Variants in SLF1 observed in about 807,000 individuals in gnomAD.
SLF1 encodes SMC5-SMC6 complex localization factor protein 1.
SLF1 carries 105 observed loss-of-function variants against 123.0 expected under a neutral mutation model. That is an observed-to-expected ratio of 0.85 (90% confidence interval 0.73 to 1.00). SLF1 has a LOEUF of 1.00. SLF1 is among the 50% of genes least tolerant of loss of function. The pLI is 0.00. For synonymous variants in SLF1, 434 were observed against 406.6 expected, an observed-to-expected ratio of 1.07 and a Z score of -0.81; for missense variants, 1,239 against 1,223.0, an observed-to-expected ratio of 1.01 and a Z score of -0.20.
At chr5:94,619,297 T>G (rs1791396424) in intron 1 of SLF1, among the ~76,000 whole-genome samples, 1 of 152,082 alleles carries the variant, frequency 6.6e-6, no homozygotes, top group South Asian at 2.1e-4. Context: ...TTTTTTTTTT[T>G]TAAACTGCTA....
At chr5:94,643,906 T>G (rs1273862649) in intron 5 of SLF1, among the ~76,000 whole-genome samples, 1 of 152,102 alleles carries the variant, frequency 6.6e-6, no homozygotes, top group African/African-American at 2.4e-5. Context: ...TTAAGAGCAC[T>G]CAGGGGAGAA....
intron 14 of SLF1, among the ~76,000 whole-genome samples, chr5:94,672,206 A>C (rs1750542782): frequency 6.6e-6 from 1 of 152,120 alleles, no homozygotes; most frequent in African/African-American, 2.4e-5. Context: ...TGATCCTATA[A>C]CTGCTAGTTA....
chr5:94,662,225 A>G, intron 9 of SLF1, 73 bp from the exon 10 acceptor site: 2 of 1,317,598 alleles, frequency 1.5e-6, no homozygotes, highest in Non-Finnish European at 2.1e-6. Flanking sequence ...TGTTTTTCCA[A>G]GGTTTTGGGG....
chr5:94,694,115 C>T (rs1344512933), intron 20 of SLF1, among the ~76,000 whole-genome samples: 1 of 151,852 alleles, frequency 6.6e-6, no homozygotes, highest in African/African-American at 2.4e-5. Flanking sequence ...CTGATGAAGG[C>T]AAAAGTACTC....
chr5:94,694,892 A>G lies in SLF1; in HGVS notation c.2757A>G (p.Ser919=), dbSNP rs1216890756. The part of the protein sequence containing the change: ...KGELPLDYVV[S]PQIKEELFAI... ...AATTGCCCTTGGATTATGTGGTTTCACCTCAAATCAAAGAAGAACTGTTTG... is the reference window on the plus strand; with the variant it reads ...AATTGCCCTTGGATTATGTGGTTTCGCCTCAAATCAAAGAAGAACTGTTTG... The change falls in exon 21 of 21, where the codon TCA becomes TCG. Residue 919 remains serine (S), a synonymous_variant. Transcript: ENST00000265140. 4 of 1,610,036 alleles carry G rather than the reference A, an allele frequency of 2.5e-6. No homozygotes were observed. The highest frequency in any genetic ancestry group is 2.5e-6 in the Non-Finnish European group (3 of 1,178,318).
chr5:94,690,387 C>A (rs1201370835), intron 18 of SLF1, among the ~76,000 whole-genome samples: 1 of 152,080 alleles, frequency 6.6e-6, no homozygotes, highest in Non-Finnish European at 1.5e-5. Context: ...ATTACAGATT[C>A]AAAATAACTG....
intron 12 of SLF1, among the ~76,000 whole-genome samples, chr5:94,667,068 T>C (rs563084158): frequency 1.3e-5 from 2 of 151,082 alleles, no homozygotes; most frequent in East Asian, 4.0e-4. Context: ...CTCTTTGAGA[T>C]CATAAAGATT....
intron 10 of SLF1, 32 bp downstream of exon 10, chr5:94,662,383 G>A: frequency 6.7e-7 from 1 of 1,494,206 alleles, no homozygotes. Flanking sequence ...TGGTGATGGG[G>A]GCAAAGAAGA....
intron 12 of SLF1, 45 bp from the exon 13 acceptor site, chr5:94,670,106 G>C: frequency 6.7e-7 from 1 of 1,489,812 alleles, no homozygotes; most frequent in Non-Finnish European, 8.9e-7. Context: ...AAATGACTTA[G>C]TGAATTGCTT....
chr5:94,653,255 G>T lies in SLF1; in HGVS notation c.883-17G>T. 2.0e-6 allele frequency: 3 copies of T among 1,499,070 alleles called. No individual in the cohort carries two copies. The highest frequency in any genetic ancestry group is 1.4e-5 in the African/African-American group (1 of 69,404). 92.9% of individuals were successfully genotyped at this position (1,499,070 alleles called of 1,614,324 possible). A position where few individuals can be genotyped will look rare whatever the true frequency, so the allele number is the denominator to read the frequency against. On this transcript the variant is annotated splice_polypyrimidine_tract_variant and intron_variant, in intron 7 of 20. Transcript: ENST00000265140. ...GTCATTGATGTTGAGATTTAATTGT[G>T]GTCTAAATACATGTAGAAGGAAATT...
In SLF1 at chr5:94,695,388, AC is replaced by A. The variant is rs1416755958; in HGVS notation, c.*77del. Reference sequence around the variant, plus strand: ...GTACTTACTGTGGACTTCATAGCTTACTGACAGATAGTAATTTGATTTATTT... The same window carrying A: ...GTACTTACTGTGGACTTCATAGCTTATGACAGATAGTAATTTGATTTATTT... On this transcript the variant is annotated 3_prime_UTR_variant, in exon 21 of 21. Coordinates refer to ENST00000265140, the MANE Select transcript of SLF1 (RefSeq NM_032290.4). 2.9e-6 allele frequency: 4 copies of A among 1,397,740 alleles called. No homozygotes were observed. In the African/African-American group the frequency reaches 5.8e-5, roughly 20 times the overall value. 86.6% of individuals were successfully genotyped at this position (1,397,740 alleles called of 1,614,324 possible). A position where few individuals can be genotyped will look rare whatever the true frequency, so the allele number is the denominator to read the frequency against.
chr5:94,631,341 AC>A (rs758837752), intron 4 of SLF1, among the ~76,000 whole-genome samples: 2 of 152,100 alleles, frequency 1.3e-5, no homozygotes, highest in Non-Finnish European at 2.9e-5. Context: ...CACCCATGTT[AC>A]CCTCACTATA....
chr5:94,638,176 T>A (rs1444891270), intron 4 of SLF1, among the ~76,000 whole-genome samples: 1 of 151,828 alleles, frequency 6.6e-6, no homozygotes. Flanking sequence ...TTCTTCTTCT[T>A]ATTTTTTATT....
intron 15 of SLF1, among the ~76,000 whole-genome samples, chr5:94,685,031 C>T (rs915426122): frequency 6.6e-6 from 1 of 152,198 alleles, no homozygotes; most frequent in Admixed American, 6.5e-5. Flanking sequence ...AATGTGGCAA[C>T]CAGAAATTAC....
chr5:94,635,513 C>T (rs1157295653), intron 4 of SLF1, among the ~76,000 whole-genome samples: 1 of 150,846 alleles, frequency 6.6e-6, no homozygotes. Context: ...TTCTTTCTTC[C>T]TATGTTGCTG....
intron 9 of SLF1, among the ~76,000 whole-genome samples, chr5:94,661,254 G>A (rs994481009): frequency 1.3e-5 from 2 of 152,174 alleles, no homozygotes; most frequent in African/African-American, 4.8e-5. Context: ...GGAATTCATG[G>A]TGGGAATGTG....
At chr5:94,663,644 CA>C in intron 10 of SLF1, 105 bp from the exon 11 acceptor site, 1 of 1,051,670 alleles carries the variant, frequency 9.5e-7, no homozygotes, top group Non-Finnish European at 1.3e-6. Flanking sequence ...GACTCCGTCT[CA>C]AATGAATGAA....
chr5:94,631,285 G>A (rs1292665243), intron 4 of SLF1, among the ~76,000 whole-genome samples: 1 of 151,862 alleles, frequency 6.6e-6, no homozygotes, highest in Non-Finnish European at 1.5e-5. Flanking sequence ...TCAATAACAT[G>A]CACACAAATT....
At position 94,624,742 on chromosome 5, in the gene SLF1, C is replaced by T. The variant is rs542504274; in HGVS notation, c.1-4069C>T. Among the ~76,000 whole-genome samples, 13 of 151,718 alleles carry T rather than the reference C, an allele frequency of 8.6e-5. No homozygotes were observed. The East Asian group carries it at 9.6e-4, about 11-fold the overall frequency. On this transcript the variant is annotated intron_variant, in intron 1 of 20. Transcript: ENST00000265140. Reference sequence around the variant, plus strand: ...CGATTATTTAACATTAGTTTTTATACGTCAATTTTTAGAATAGGCAAGATT... The same window carrying T: ...CGATTATTTAACATTAGTTTTTATATGTCAATTTTTAGAATAGGCAAGATT...
Sources: allele counts gnomAD v4.1 joint callset (sites outside exome capture counted in the v4.1 genomes callset), GRCh38; gene constraint gnomAD v4.1.1; transcripts MANE v1.5; gene names NCBI Gene and HGNC (gene_info 2026-07-23, HGNC 2026-07-21).